NUFIP2: variants seen among roughly 807,000 people sequenced by gnomAD.
NUFIP2 encodes the protein nuclear FMR1 interacting protein 2, also known as FMR1-interacting protein NUFIP2.
A neutral mutation model predicts 56.9 loss-of-function variants in NUFIP2; 6 were observed. The observed-to-expected ratio is 0.11, with a 90% CI of 0.06 to 0.21. The LOEUF is 0.21. Among genes scored for constraint, NUFIP2 ranks in the 10% least tolerant of loss-of-function variants. NUFIP2 has a pLI of 1.00. For synonymous variants in NUFIP2, 321 were observed against 298.2 expected, an observed-to-expected ratio of 1.08 and a Z score of -0.79; for missense variants, 828 against 826.8, an observed-to-expected ratio of 1.00 and a Z score of -0.02.
chr17:29,268,309 T>A (rs1598430037), intron 2 of NUFIP2, among the ~76,000 whole-genome samples: 3 of 152,206 alleles, frequency 2.0e-5, no homozygotes, highest in Non-Finnish European at 4.4e-5. Flanking sequence ...ATGCTACAGA[T>A]AAAATAATAC....
chr17:29,264,618 A>G, intron 3 of NUFIP2, 27 bp from the exon 4 acceptor site: 1 of 1,420,018 alleles, frequency 7.0e-7, no homozygotes, highest in South Asian at 1.1e-5. Context: ...AATAAATAAA[A>G]ATAAGGTCTA....
In NUFIP2 at chr17:29,272,075, AGAGGG is replaced by A. The variant is rs1292329340; in HGVS notation, c.2003-4550_2003-4546del. Among the ~76,000 whole-genome samples the A allele has an allele frequency of 4.0e-3, 107 of 26,474 alleles. 2 individuals are homozygous for A. Among genetic ancestry groups the A allele is most frequent in the East Asian group, 9.5e-3 (2 of 210 alleles). The allele number at this position is 26,474 out of a possible 152,430, so 17.4% of individuals were successfully genotyped here. ...GCAACAGAGTGAGACTGTCGAAAAG[AGAGGG>A]GAGGGGAGGGGAGGGGAGGGGAGGG... On this transcript the variant is annotated intron_variant, in intron 2 of 3. Transcript: ENST00000225388.
chr17:29,264,495 G>A lies in NUFIP2; in HGVS notation c.*44C>T, dbSNP rs757184414. The stretch of plus-strand genomic sequence containing the variant: ...AAGCCTTGTGTCCCCCATGAACGAT[G>A]GCTCTAATGCTGCAGAAAGGTTACG... On this transcript the variant is annotated 3_prime_UTR_variant, in exon 4 of 4. Coordinates refer to ENST00000225388, the MANE Select transcript of NUFIP2 (RefSeq NM_020772.3). The A allele has an allele frequency of 7.2e-7, 1 of 1,388,578 alleles. No homozygotes were observed. Among genetic ancestry groups the A allele is most frequent in the Admixed American group, 1.7e-5 (1 of 58,974 alleles). 86.0% of individuals were successfully genotyped at this position (1,388,578 alleles called of 1,614,324 possible). A position where few individuals can be genotyped will look rare whatever the true frequency, so the allele number is the denominator to read the frequency against.
In NUFIP2 at chr17:29,259,253, A is replaced by G. The variant is rs1387505681; in HGVS notation, c.*5286T>C. The G allele has an allele frequency of 6.6e-6, 1 of 152,188 alleles. No homozygotes were observed. The highest frequency in any genetic ancestry group is 1.5e-5 in the Non-Finnish European group (1 of 68,034). The allele number at this position is 152,188 out of a possible 1,614,324, so 9.4% of individuals were successfully genotyped here. A position where few individuals can be genotyped will look rare whatever the true frequency, so the allele number is the denominator to read the frequency against. On this transcript the variant is annotated 3_prime_UTR_variant, in exon 4 of 4. Coordinates refer to ENST00000225388, the MANE Select transcript of NUFIP2 (RefSeq NM_020772.3). ...ACTGAAAGTAAAACTAAATTGGAAA[A>G]TAAATGTTTGTAGTTAGTTTAATAA...
At chr17:29,267,677 T>C (rs2069046806) in intron 2 of NUFIP2, 147 bp from the exon 3 acceptor site, 1 of 541,476 alleles carries the variant, frequency 1.8e-6, no homozygotes, top group Admixed American at 3.6e-5. Context: ...GAAGTTCAGA[T>C]AAAGCATTCA....
At chr17:29,279,953 A>T (rs2069130592) in intron 2 of NUFIP2, among the ~76,000 whole-genome samples, 1 of 151,966 alleles carries the variant, frequency 6.6e-6, no homozygotes, top group Non-Finnish European at 1.5e-5. Context: ...CAATTAGCGG[A>T]GACTACAGGC....
rs1025921566 is a variant in NUFIP2, at chr17:29,287,342, A to G, written c.652T>C (p.Tyr218His). ...GCTTTCCTTTTTTTAGGAGTTGTAT[A>G]TCCGCTCTCAGATCCACTACCATCA... Reference protein sequence around the residue: ...DNDGSGSESGYTTPKKRKARR... With the variant: ...DNDGSGSESGHTTPKKRKARR... Residue 218 changes from tyrosine to histidine, a missense_variant, in exon 2 of 4, where the codon TAT becomes CAT. Around this residue, in one of 3 missense-constraint regions of NUFIP2, gnomAD observed 415 missense variants for 408.7 expected, o/e 1.02. Coordinates refer to ENST00000225388, the MANE Select transcript of NUFIP2 (RefSeq NM_020772.3). 6.2e-7 allele frequency: 1 copy of G among 1,614,140 alleles called. No individual in the cohort carries two copies. The highest frequency in any genetic ancestry group is 8.5e-7 in the Non-Finnish European group (1 of 1,180,038).
chr17:29,284,828 T>C (rs2069162483), intron 2 of NUFIP2, among the ~76,000 whole-genome samples: 1 of 152,062 alleles, frequency 6.6e-6, no homozygotes, highest in Admixed American at 6.6e-5. Flanking sequence ...CCCAAGAGCC[T>C]GGTCTCAACT....
rs1173533370 is a variant in NUFIP2 at position 29,258,318 on chromosome 17, T to G, written c.*6221A>C. On this transcript the variant is annotated 3_prime_UTR_variant, in exon 4 of 4. Transcript: ENST00000225388. ...AGAAATGACTTTTCTTCTTGTCAAGTAGCATTCACTAAAGTTTTCCTTTGC... is the reference window on the plus strand; with the variant it reads ...AGAAATGACTTTTCTTCTTGTCAAGGAGCATTCACTAAAGTTTTCCTTTGC... The G allele has an allele frequency of 2.6e-5, 4 of 152,184 alleles. No individual in the cohort carries two copies. The allele number at this position is 152,184 out of a possible 1,614,324, so 9.4% of individuals were successfully genotyped here.
intron 2 of NUFIP2, among the ~76,000 whole-genome samples, chr17:29,278,590 GCTA>G (rs1271325050): frequency 3.9e-4 from 8 of 20,482 alleles, no homozygotes; most frequent in Admixed American, 2.6e-3. Flanking sequence ...GAATGAAACT[GCTA>G]CTACTATGAT....
intron 2 of NUFIP2, among the ~76,000 whole-genome samples, chr17:29,281,607 G>A (rs886834858): frequency 6.7e-6 from 1 of 150,064 alleles, no homozygotes; most frequent in South Asian, 2.1e-4. Context: ...AAGGAGGAGA[G>A]CTTCAGCCCA....
chr17:29,288,272 C>T (rs1399474031), intron 1 of NUFIP2, among the ~76,000 whole-genome samples: 1 of 152,246 alleles, frequency 6.6e-6, no homozygotes, highest in Non-Finnish European at 1.5e-5. Context: ...GTCTCGATCT[C>T]CTGACCTTGT....
At chr17:29,293,742 CA>C (rs1555549709) in intron 1 of NUFIP2, 40 bp downstream of exon 1, 1 of 1,267,570 alleles carries the variant, frequency 7.9e-7, no homozygotes, top group Non-Finnish European at 1.1e-6. Context: ...TCCTGTCCTC[CA>C]CCCCCAACCC....
chr17:29,260,488 C>T lies in NUFIP2; in HGVS notation c.*4051G>A, dbSNP rs2068996333. ...TGAAGAGAGCCTTGTAGGAATGACTCCGTCCTTATTTACAGTGGAATTAAA... is the reference window on the plus strand; with the variant it reads ...TGAAGAGAGCCTTGTAGGAATGACTTCGTCCTTATTTACAGTGGAATTAAA... On this transcript the variant is annotated 3_prime_UTR_variant, in exon 4 of 4. Transcript: ENST00000225388. 1 of 152,158 alleles carries T rather than the reference C, an allele frequency of 6.6e-6. No individual in the cohort carries two copies. The highest frequency in any genetic ancestry group is 2.1e-4 in the South Asian group (1 of 4,832). The allele number at this position is 152,158 out of a possible 1,614,324, so 9.4% of individuals were successfully genotyped here. A position where few individuals can be genotyped will look rare whatever the true frequency, so the allele number is the denominator to read the frequency against.
At chr17:29,272,986 AT>A (rs1399745513) in intron 2 of NUFIP2, among the ~76,000 whole-genome samples, 1 of 151,550 alleles carries the variant, frequency 6.6e-6, no homozygotes. Context: ...AATAGCTGGG[AT>A]TACAGGCACA....
rs554289640 is a variant in NUFIP2 at position 29,281,803 on chromosome 17, C to T, written c.2002+4189G>A. On this transcript the variant is annotated intron_variant, in intron 2 of 3. Coordinates refer to ENST00000225388, the MANE Select transcript of NUFIP2 (RefSeq NM_020772.3). ...TTTTTTAGAAGGAGCCTTGCTCTGT[C>T]GTCCAGGCTGGAGTGCAGTGGCACG... Among the ~76,000 whole-genome samples, 9 of 147,058 alleles carry T rather than the reference C, an allele frequency of 6.1e-5. 1 individual carries two copies. The highest frequency in any genetic ancestry group is 1.7e-4 in the African/African-American group (7 of 40,132).
At chr17:29,292,359 T>C (rs2069219729) in intron 1 of NUFIP2, among the ~76,000 whole-genome samples, 1 of 151,018 alleles carries the variant, frequency 6.6e-6, no homozygotes, top group African/African-American at 2.4e-5. Flanking sequence ...CTACCCAAGC[T>C]CAGAAGGTAA....
chr17:29,292,888 G>C (rs1229173150), intron 1 of NUFIP2, among the ~76,000 whole-genome samples: 2 of 142,182 alleles, frequency 1.4e-5, no homozygotes, highest in Admixed American at 6.8e-5. Flanking sequence ...CGACGGGGGG[G>C]GGGGCGGCCG....
Position 29,264,372 on chromosome 17 carries a change from T to C in NUFIP2, c.*167A>G, listed in dbSNP as rs2069021497. The C allele has an allele frequency of 9.5e-6, 2 of 211,260 alleles. No homozygotes were observed. The highest frequency in any genetic ancestry group is 4.9e-5 in the African/African-American group (2 of 40,852). 13.1% of individuals were successfully genotyped at this position (211,260 alleles called of 1,614,324 possible). A position where few individuals can be genotyped will look rare whatever the true frequency, so the allele number is the denominator to read the frequency against. ...ATTACTTTCAGTTGCCTTTTTTAAA[T>C]AACTATATATATATATATGTATATA... On this transcript the variant is annotated 3_prime_UTR_variant, in exon 4 of 4. Coordinates refer to ENST00000225388, the MANE Select transcript of NUFIP2 (RefSeq NM_020772.3).
Sources: gnomAD v4.1 joint callset for allele counts (sites outside exome capture counted in the v4.1 genomes callset) on GRCh38, gnomAD v4.1.1 for gene constraint, gnomAD v4.1.1 regional missense constraint, MANE v1.5 for transcripts, NCBI Gene and HGNC (gene_info 2026-07-23, HGNC 2026-07-21) for gene names.